Variants in TLN2 observed in about 807,000 individuals in gnomAD.
TLN2 encodes talin-2.
In TLN2, 118 loss-of-function variants were observed where a neutral mutation model predicts 294.7. The observed-to-expected ratio is 0.40, with a 90% CI of 0.34 to 0.47. The LOEUF is 0.47. Among genes scored for constraint, TLN2 ranks in the 20% least tolerant of loss-of-function variants. TLN2 has a pLI of 0.84. For missense variants in TLN2, 3,083 were observed against 3,282.2 expected (o/e 0.94, Z 1.48); for synonymous variants, 1,431 against 1,304.5 (o/e 1.10, Z -2.09).
chr15:62,582,596 A>G (rs1460015221), intron 1 of TLN2, among the ~76,000 whole-genome samples: 1 of 152,128 alleles, frequency 6.6e-6, no homozygotes, highest in Non-Finnish European at 1.5e-5. Flanking sequence ...GACATGTAAG[A>G]GTGGGCATCA....
intron 1 of TLN2, among the ~76,000 whole-genome samples, chr15:62,499,402 A>C (rs2039186762): frequency 6.6e-6 from 1 of 152,204 alleles, no homozygotes; most frequent in Admixed American, 6.5e-5. Flanking sequence ...GTGAGCTGAG[A>C]TTGCACTACT....
At chr15:62,751,036 T>TAAG (rs1377013219) in intron 34 of TLN2, among the ~76,000 whole-genome samples, 117 of 152,220 alleles carry the variant, frequency 7.7e-4, no homozygotes, top group African/African-American at 2.7e-3. Flanking sequence ...ATTAAGATAA[T>TAAG]ATAATGGCTT....
intron 2 of TLN2, among the ~76,000 whole-genome samples, chr15:62,606,979 ATCC>A (rs2047507211): frequency 6.6e-6 from 1 of 152,070 alleles, no homozygotes; most frequent in Admixed American, 6.5e-5. Context: ...CACCATCATC[ATCC>A]TCCTCCTCAC....
At chr15:62,509,324 T>A (rs2039806971) in intron 1 of TLN2, among the ~76,000 whole-genome samples, 2 of 152,256 alleles carry the variant, frequency 1.3e-5, no homozygotes, top group South Asian at 4.1e-4. Flanking sequence ...AATACTTTAG[T>A]TTGCTAGTAG....
At chr15:62,643,443 T>G (rs11633837) in intron 3 of TLN2, among the ~76,000 whole-genome samples, 1,472 of 122,774 alleles carry the variant, frequency 0.012, 17 homozygotes, top group Non-Finnish European at 0.02. Flanking sequence ...TTTTTTTTGG[T>G]ATATTGTGTT....
At position 62,687,062 on chromosome 15, in the gene TLN2, A is replaced by G. The variant is rs185242659; in HGVS notation, c.1113+266A>G. Reference sequence around the variant, plus strand: ...TCTAGTTCATTATCTAGAAAAAGCCACTCACCCAGATGATTCTCAGTTCTG... The same window carrying G: ...TCTAGTTCATTATCTAGAAAAAGCCGCTCACCCAGATGATTCTCAGTTCTG... On this transcript the variant is annotated intron_variant, in intron 12 of 58. Coordinates refer to ENST00000636159, the MANE Select transcript of TLN2 (RefSeq NM_015059.3). Among the ~76,000 whole-genome samples, 74 of 152,176 alleles carry G rather than the reference A, an allele frequency of 4.9e-4. 1 individual carries two copies. In the East Asian group the frequency reaches 7.0e-3, roughly 14 times the overall value.
Position 62,805,585 on chromosome 15 carries a change from G to A in TLN2, c.6478-15G>A, listed in dbSNP as rs1555514586. The A allele has an allele frequency of 7.3e-5, 116 of 1,581,524 alleles. No homozygotes were observed. The South Asian group carries it at 1.2e-3, about 16-fold the overall frequency. On this transcript the variant is annotated splice_polypyrimidine_tract_variant and intron_variant, in intron 50 of 58. Coordinates refer to ENST00000636159, the MANE Select transcript of TLN2 (RefSeq NM_015059.3). ...CCTTTTTGATTTTTTTAACCTCTCT[G>A]TTTCTGACTTCCAGGTGTTCCAGTC...
chr15:62,825,852 TTATATA>T (rs374380687), intron 54 of TLN2, among the ~76,000 whole-genome samples: 1 of 89,554 alleles, frequency 1.1e-5, no homozygotes, highest in Non-Finnish European at 1.9e-5. Flanking sequence ...TATAAATATA[TTATATA>T]TATATATATT....
At chr15:62,701,886 C>A in intron 17 of TLN2, 106 bp from the exon 18 acceptor site, 2 of 1,285,820 alleles carry the variant, frequency 1.6e-6, no homozygotes, top group South Asian at 2.8e-5. Flanking sequence ...TGGTGTCTGA[C>A]TCCTGCAGGA....
intron 1 of TLN2, among the ~76,000 whole-genome samples, chr15:62,407,337 C>A (rs552029724): frequency 6.6e-6 from 1 of 152,204 alleles, no homozygotes; most frequent in Non-Finnish European, 1.5e-5. Context: ...AGGTTTCTCC[C>A]CGTAATACCA....
intron 28 of TLN2, among the ~76,000 whole-genome samples, chr15:62,729,445 T>G (rs939565035): frequency 6.6e-6 from 1 of 152,166 alleles, no homozygotes; most frequent in Non-Finnish European, 1.5e-5. Context: ...TTGAATCAAT[T>G]TGGGGAGAAT....
chr15:62,654,350 G>A (rs2052948473), intron 7 of TLN2, among the ~76,000 whole-genome samples: 1 of 152,076 alleles, frequency 6.6e-6, no homozygotes. Flanking sequence ...TTTCTTCAGT[G>A]GTGATGTGCA....
chr15:62,612,028 A>G (rs1274759929), intron 2 of TLN2, among the ~76,000 whole-genome samples: 2 of 152,144 alleles, frequency 1.3e-5, no homozygotes, highest in African/African-American at 4.8e-5. Flanking sequence ...CCCCAACTTG[A>G]TGACTTCAAA....
intron 1 of TLN2, among the ~76,000 whole-genome samples, chr15:62,515,918 C>T (rs28418803): frequency 0.014 from 2,075 of 152,300 alleles, 47 homozygotes; most frequent in African/African-American, 0.047. Context: ...GCATGTCCCG[C>T]TGTGCAGTAG....
chr15:62,489,976 C>T (rs2038619657), intron 1 of TLN2, among the ~76,000 whole-genome samples: 1 of 152,174 alleles, frequency 6.6e-6, no homozygotes, highest in African/African-American at 2.4e-5. Context: ...CCTAGTTATG[C>T]CGCTCTCAAA....
chr15:62,600,583 C>T (rs895502183), intron 2 of TLN2, among the ~76,000 whole-genome samples: 1 of 152,192 alleles, frequency 6.6e-6, no homozygotes, highest in Non-Finnish European at 1.5e-5. Context: ...TTCCCTCCCA[C>T]GGTCATGTGG....
At chr15:62,549,948 AT>A (rs559012747) in intron 1 of TLN2, among the ~76,000 whole-genome samples, 1 of 152,144 alleles carries the variant, frequency 6.6e-6, no homozygotes, top group Non-Finnish European at 1.5e-5. Context: ...TGATCAATCG[AT>A]TGGGAATGTG....
intron 1 of TLN2, among the ~76,000 whole-genome samples, chr15:62,568,374 T>C (rs1300218175): frequency 6.6e-6 from 1 of 152,228 alleles, no homozygotes; most frequent in Non-Finnish European, 1.5e-5. Context: ...CTTCATTTTC[T>C]TCAGGAGGGT....
Position 62,428,564 on chromosome 15 carries a change from G to A in TLN2, c.-238+37879G>A, listed in dbSNP as rs940967836. 7.9e-5 allele frequency among the ~76,000 whole-genome samples: 12 copies of A among 152,354 alleles called. No individual in the cohort carries two copies. The East Asian group carries it at 2.3e-3, about 29-fold the overall frequency. On this transcript the variant is annotated intron_variant, in intron 1 of 58. Transcript: ENST00000636159. ...AAGCCAATTTCACTCCTTGCCCGGTGTGTCTGGAGTGGGTTGATTAAGTTT... is the reference window on the plus strand; with the variant it reads ...AAGCCAATTTCACTCCTTGCCCGGTATGTCTGGAGTGGGTTGATTAAGTTT...
Sources: allele counts gnomAD v4.1 joint callset (sites outside exome capture counted in the v4.1 genomes callset), GRCh38; gene constraint gnomAD v4.1.1; transcripts MANE v1.5; gene names NCBI Gene and HGNC (gene_info 2026-07-23, HGNC 2026-07-21).